SEC31B: variants seen among roughly 807,000 people sequenced by gnomAD.
SEC31B encodes SEC31 homolog B, COPII component, also known as protein transport protein Sec31B.
A neutral mutation model predicts 135.0 loss-of-function variants in SEC31B; 113 were observed. The observed-to-expected ratio is 0.84, with a 90% confidence interval of 0.72 to 0.98. SEC31B has a LOEUF of 0.98. SEC31B is among the 50% of genes least tolerant of loss of function. SEC31B has a pLI of 0.00. For missense variants in SEC31B, 1,296 were observed against 1,421.1 expected (o/e 0.91, Z 1.42); for synonymous variants, 508 against 549.4 (o/e 0.92, Z 1.05).
In SEC31B at chr10:100,519,793, A is replaced by C. The variant is rs1317400053; in HGVS notation, c.-57T>G. 2 of 152,122 alleles carry C rather than the reference A, an allele frequency of 1.3e-5. No individual in the cohort carries two copies. Among genetic ancestry groups the C allele is most frequent in the Non-Finnish European group, 2.9e-5 (2 of 68,074 alleles). The allele number at this position is 152,122 out of a possible 1,614,324, so 9.4% of individuals were successfully genotyped here. On this transcript the variant is annotated 5_prime_UTR_variant, in exon 1 of 26. Coordinates refer to ENST00000370345, the MANE Select transcript of SEC31B (RefSeq NM_015490.4). The stretch of plus-strand genomic sequence containing the variant: ...CGGGGCGAACCAACCTGTGCGGAAG[A>C]CCCCGGACAAGGGTCAGGCGCGGCG...
chr10:100,507,513 A>G lies in SEC31B; in HGVS notation c.694T>C (p.Cys232Arg), dbSNP rs201089680. Residue 232 changes from cysteine to arginine, a missense_variant, in exon 7 of 26, where the codon TGC (cysteine) becomes CGC (arginine). Physicochemically the swap from Cys to Arg is radical, Grantham distance 180. Transcript: ENST00000370345. ...ACGGGAAGTCGATCATCCTCTGAGCACAGCACTAACTGGGTGGCTATGTCA... is the reference window on the plus strand; with the variant it reads ...ACGGGAAGTCGATCATCCTCTGAGCGCAGCACTAACTGGGTGGCTATGTCA... ...HPDIATQLVLCSEDDRLPVIQ... is the reference protein window; with the variant it reads ...HPDIATQLVLRSEDDRLPVIQ... 6.2e-7 allele frequency: 1 copy of G among 1,614,238 alleles called. No individual in the cohort carries two copies. The highest frequency in any genetic ancestry group is 8.5e-7 in the Non-Finnish European group (1 of 1,180,040).
intron 3 of SEC31B, among the ~76,000 whole-genome samples, chr10:100,509,741 C>CT (rs1851705334): frequency 6.6e-6 from 1 of 152,132 alleles, no homozygotes; most frequent in South Asian, 2.1e-4. Flanking sequence ...GCCACTGCCT[C>CT]TGAGTTGTGT....
intron 10 of SEC31B, among the ~76,000 whole-genome samples, chr10:100,504,067 T>C (rs921928394): frequency 6.6e-6 from 1 of 152,222 alleles, no homozygotes; most frequent in Non-Finnish European, 1.5e-5. Context: ...TATATTCTTA[T>C]TTGTGGTTCA....
At chr10:100,498,861 G>A (rs1851464487) in intron 13 of SEC31B, 57 bp from the exon 14 acceptor site, 10 of 1,329,116 alleles carry the variant, frequency 7.5e-6, no homozygotes, top group Non-Finnish European at 1.1e-5. Context: ...CAGACAGAGA[G>A]CTGGCTTAGT....
intron 10 of SEC31B, among the ~76,000 whole-genome samples, chr10:100,503,842 T>C (rs1349246189): frequency 1.3e-5 from 2 of 152,046 alleles, no homozygotes; most frequent in African/African-American, 2.4e-5. Context: ...TGGGGGTTTG[T>C]TGTACAGATT....
rs200468060 is a variant in SEC31B, at chr10:100,508,994, G to C, written c.495+13C>G. 26 of 1,602,708 alleles carry C rather than the reference G, an allele frequency of 1.6e-5. No homozygotes were observed. In the South Asian group the frequency reaches 2.5e-4, roughly 16 times the overall value. On this transcript the variant is annotated intron_variant, in intron 5 of 25. Coordinates refer to ENST00000370345, the MANE Select transcript of SEC31B (RefSeq NM_015490.4). ...TGCACACTCCAGGGTTGGGTAGTGGGGGTGCTGCTCACCTGTGACTTGGAT... is the reference window on the plus strand; with the variant it reads ...TGCACACTCCAGGGTTGGGTAGTGGCGGTGCTGCTCACCTGTGACTTGGAT...
At position 100,508,047 on chromosome 10, in the gene SEC31B, GGCT is replaced by G. The variant is rs765015844; in HGVS notation, c.497_499del (p.Gln166del). ...AGACAGTGCCTTGATGTCCTCTGGA[GGCT>G]GCTAAGGCAGGATGGGGACAGAAAG... is the stretch of plus-strand genomic sequence containing the variant. On this transcript the variant is annotated inframe_deletion and splice_region_variant, in exon 6 of 26. Coordinates refer to ENST00000370345, the MANE Select transcript of SEC31B (RefSeq NM_015490.4). 5.6e-6 allele frequency: 9 copies of G among 1,614,206 alleles called. No individual in the cohort carries two copies. The highest frequency in any genetic ancestry group is 1.7e-5 in the Admixed American group (1 of 60,036).
Position 100,487,536 on chromosome 10 carries a change from CTG to C in SEC31B, c.*78_*79del. ...AAGAGTCGGGAAAAAGAAACAGAAT[CTG>C]TTGCAGAAGTCCCCTCTTCTGCAGG... On this transcript the variant is annotated 3_prime_UTR_variant, in exon 26 of 26. Coordinates refer to ENST00000370345, the MANE Select transcript of SEC31B (RefSeq NM_015490.4). The C allele has an allele frequency of 1.6e-6, 2 of 1,290,068 alleles. No homozygotes were observed. Among genetic ancestry groups the C allele is most frequent in the Non-Finnish European group, 1.1e-6 (1 of 925,866 alleles). The allele number at this position is 1,290,068 out of a possible 1,614,324, so 79.9% of individuals were successfully genotyped here.
intron 19 of SEC31B, among the ~76,000 whole-genome samples, chr10:100,494,008 A>C (rs1335028511): frequency 1.3e-5 from 2 of 151,222 alleles, no homozygotes; most frequent in East Asian, 3.9e-4. Flanking sequence ...GGAGGGAAGA[A>C]AGGGAGGGAG....
intron 3 of SEC31B, among the ~76,000 whole-genome samples, chr10:100,511,047 T>A (rs960343247): frequency 1.9e-4 from 29 of 152,262 alleles, no homozygotes; most frequent in African/African-American, 6.7e-4. Flanking sequence ...GACCTCAGCA[T>A]GGTCGGAACA....
Position 100,502,955 on chromosome 10 carries a change from C to G in SEC31B, c.1180-471G>C, listed in dbSNP as rs79610568. ...TTCCCTCCTCTAATTAAGCCTTAGACTATCCCTCTATTGCTTGTACCAACC... is the reference window on the plus strand; with the variant it reads ...TTCCCTCCTCTAATTAAGCCTTAGAGTATCCCTCTATTGCTTGTACCAACC... On this transcript the variant is annotated intron_variant, in intron 10 of 25. Coordinates refer to ENST00000370345, the MANE Select transcript of SEC31B (RefSeq NM_015490.4). Among the ~76,000 whole-genome samples, 1,248 of 152,294 alleles carry G rather than the reference C, an allele frequency of 8.2e-3. 16 individuals carry two copies. Among genetic ancestry groups the G allele is most frequent in the African/African-American group, 0.027 (1,117 of 41,556 alleles).
chr10:100,487,968 T>C (rs1468238105), intron 25 of SEC31B, 59 bp downstream of exon 25: 2 of 1,576,252 alleles, frequency 1.3e-6, no homozygotes, highest in African/African-American at 2.7e-5. Context: ...TGGGCTTCCT[T>C]TGGCCATGGT....
chr10:100,516,312 G>A (rs1851844054), intron 2 of SEC31B, 93 bp from the exon 3 acceptor site: 1 of 1,430,658 alleles, frequency 7.0e-7, no homozygotes, highest in Non-Finnish European at 9.6e-7. Context: ...AGGAACAGAA[G>A]AGGGCTGGGT....
In SEC31B at chr10:100,498,090, G is replaced by A; in HGVS notation, c.1802C>T (p.Thr601Ile). ...DAIILAQAGG[T>I]DLLKQTQERY... Reference sequence around the variant, plus strand: ...CTCCTGTGTTTGCTTCAGCAGATCTGTACCCCCAGCCTGGGCCAGGATAAT... The same window carrying A: ...CTCCTGTGTTTGCTTCAGCAGATCTATACCCCCAGCCTGGGCCAGGATAAT... Residue 601 changes from threonine to isoleucine, a missense_variant, in exon 15 of 26, where the codon ACA becomes ATA. Thr to Ile is a moderately conservative substitution (Grantham distance 89). Coordinates refer to ENST00000370345, the MANE Select transcript of SEC31B (RefSeq NM_015490.4). 6.2e-7 allele frequency: 1 copy of A among 1,614,128 alleles called. No individual in the cohort carries two copies. Among genetic ancestry groups the A allele is most frequent in the East Asian group, 2.2e-5 (1 of 44,874 alleles).
chr10:100,515,595 C>G, intron 3 of SEC31B, among the ~76,000 whole-genome samples: 1 of 152,118 alleles, frequency 6.6e-6, no homozygotes, highest in East Asian at 1.9e-4. Flanking sequence ...ATAAAATGTA[C>G]AGAGCCCCTA....
rs201605633 is a variant in SEC31B at position 100,490,715 on chromosome 10, C to A, written c.2641G>T (p.Val881Leu). The A allele has an allele frequency of 1.9e-6, 3 of 1,588,370 alleles. No homozygotes were observed. In the Admixed American group the frequency reaches 5.1e-5, roughly 27 times the overall value. Residue 881 changes from valine to leucine, a missense_variant, in exon 20 of 26, where the codon GTA (valine) becomes TTA (leucine). Transcript: ENST00000370345. ...TCAGTGACTCACTCACCAGGCCTTACCCCAGGGCTCAAAGGCAAAGGCTGG... is the reference window on the plus strand; with the variant it reads ...TCAGTGACTCACTCACCAGGCCTTAACCCAGGGCTCAAAGGCAAAGGCTGG... ...AIQPLPLSPG[V>L]RPASSQPQLL...
intron 1 of SEC31B, among the ~76,000 whole-genome samples, chr10:100,519,412 C>G (rs1022812694): frequency 1.3e-5 from 2 of 152,274 alleles, no homozygotes; most frequent in African/African-American, 4.8e-5. Flanking sequence ...TTCCCGCTGT[C>G]GCCGAAGCGC....
At position 100,488,113 on chromosome 10, in the gene SEC31B, A is replaced by G; in HGVS notation, c.3289-15T>C. Reference sequence around the variant, plus strand: ...CTTTTTGTCTTCTGCAGGGAAAGAAATGGATTCCAACCCCAGCCCCTAAGT... The same window carrying G: ...CTTTTTGTCTTCTGCAGGGAAAGAAGTGGATTCCAACCCCAGCCCCTAAGT... On this transcript the variant is annotated splice_polypyrimidine_tract_variant and intron_variant, in intron 24 of 25. Coordinates refer to ENST00000370345, the MANE Select transcript of SEC31B (RefSeq NM_015490.4). The G allele has an allele frequency of 6.2e-7, 1 of 1,612,682 alleles. No homozygotes were observed. The highest frequency in any genetic ancestry group is 8.5e-7 in the Non-Finnish European group (1 of 1,178,766).
In SEC31B at chr10:100,506,570, A is replaced by C; in HGVS notation, c.783-150T>G. On this transcript the variant is annotated intron_variant, in intron 7 of 25. Coordinates refer to ENST00000370345, the MANE Select transcript of SEC31B (RefSeq NM_015490.4). The stretch of plus-strand genomic sequence containing the variant: ...CTGATATTATCTTACAAATGAATAA[A>C]ATGAGGTTTTGAAAAATTAAGTAAC... 3 of 701,626 alleles carry C rather than the reference A, an allele frequency of 4.3e-6. No homozygotes were observed. In the South Asian group the frequency reaches 5.8e-5, roughly 14 times the overall value. 43.5% of individuals were successfully genotyped at this position (701,626 alleles called of 1,614,324 possible).
Sources: allele counts gnomAD v4.1 joint callset (sites outside exome capture counted in the v4.1 genomes callset), GRCh38; gene constraint gnomAD v4.1.1; transcripts MANE v1.5; gene names NCBI Gene and HGNC (gene_info 2026-07-23, HGNC 2026-07-21).